Variants in ARHGAP32 observed in about 807,000 individuals in gnomAD.
The protein encoded by ARHGAP32 is rho GTPase-activating protein 32.
Under a neutral mutation model 186.5 loss-of-function variants are expected in ARHGAP32, and 51 were observed. The observed-to-expected ratio is 0.27, with a 90% CI of 0.22 to 0.35. The LOEUF is 0.35. Ranked by LOEUF, ARHGAP32 falls within the 10% of genes least tolerant of loss-of-function variation. ARHGAP32 has a pLI of 1.00. For missense variants in ARHGAP32, 2,186 were observed against 2,623.5 expected, an observed-to-expected ratio of 0.83 and a Z score of 3.64; for synonymous variants, 950 against 964.3, an observed-to-expected ratio of 0.99 and a Z score of 0.27.
intron 1 of ARHGAP32, among the ~76,000 whole-genome samples, chr11:129,237,966 A>G (rs1944958820): frequency 6.6e-6 from 1 of 152,140 alleles, no homozygotes; most frequent in Non-Finnish European, 1.5e-5. Context: ...AGAAGTAGTG[A>G]GAAGTGGCCC....
At chr11:129,016,536 TTCTA>T (rs1187812235) in intron 11 of ARHGAP32, among the ~76,000 whole-genome samples, 3 of 152,244 alleles carry the variant, frequency 2.0e-5, no homozygotes, top group Non-Finnish European at 2.9e-5. Context: ...GTAAGACTGA[TTCTA>T]TCTTACGTGA....
intron 11 of ARHGAP32, among the ~76,000 whole-genome samples, chr11:129,012,262 G>T (rs1164169438): frequency 6.6e-6 from 1 of 152,090 alleles, no homozygotes; most frequent in Non-Finnish European, 1.5e-5. Flanking sequence ...ACAAAACAAA[G>T]ATTTTCCATG....
chr11:129,248,095 G>A (rs1244437156), intron 1 of ARHGAP32, among the ~76,000 whole-genome samples: 3 of 151,452 alleles, frequency 2.0e-5, no homozygotes, highest in Non-Finnish European at 4.4e-5. Context: ...GGCAGATCAC[G>A]AGGTCAGGAG....
intron 22 of ARHGAP32, 134 bp downstream of exon 22, chr11:128,972,319 A>C: frequency 9.7e-7 from 1 of 1,027,900 alleles, no homozygotes; most frequent in Non-Finnish European, 1.4e-6. Context: ...AATGGGAACT[A>C]TCTCATGGAA....
chr11:129,193,717 T>TAATATATAA (rs1178628538), upstream of ARHGAP32, among the ~76,000 whole-genome samples: 36 of 43,762 alleles, frequency 8.2e-4, no homozygotes, highest in African/African-American at 2.1e-3. Flanking sequence ...ATATTATATA[T>TAATATATAA]TATATATTAT....
At chr11:129,130,455 AACG>A (rs374048830) in intron 2 of ARHGAP32, among the ~76,000 whole-genome samples, 20 of 152,196 alleles carry the variant, frequency 1.3e-4, no homozygotes, top group African/African-American at 4.8e-4. Context: ...TAATACATTC[AACG>A]ACATCAAAAT....
chr11:129,058,999 A>C (rs1354554501), intron 10 of ARHGAP32, among the ~76,000 whole-genome samples: 1 of 152,218 alleles, frequency 6.6e-6, no homozygotes, highest in Non-Finnish European at 1.5e-5. Flanking sequence ...AGTAACAGCA[A>C]TGTTCCCACC....
At chr11:129,055,697 C>T (rs1358148083) in intron 10 of ARHGAP32, among the ~76,000 whole-genome samples, 1 of 152,042 alleles carries the variant, frequency 6.6e-6, no homozygotes, top group Non-Finnish European at 1.5e-5. Context: ...ACATACTATA[C>T]GATTCCAACA....
In ARHGAP32 at chr11:129,109,262, T is replaced by C. The variant is rs565937981; in HGVS notation, c.444+14184A>G. On this transcript the variant is annotated intron_variant, in intron 5 of 22. Coordinates refer to ENST00000682385, the MANE Select transcript of ARHGAP32 (RefSeq NM_001378024.1). The stretch of plus-strand genomic sequence containing the variant: ...TCTTTTGTGGCCAAATAGTATTCGA[T>C]TGCATATATATATATATACCATACT... Among the ~76,000 whole-genome samples the C allele has an allele frequency of 3.8e-3, 578 of 151,708 alleles. 2 individuals are homozygous for C. The highest frequency in any genetic ancestry group is 0.013 in the African/African-American group (552 of 41,370).
intron 10 of ARHGAP32, among the ~76,000 whole-genome samples, chr11:129,060,444 A>G (rs1371666883): frequency 6.6e-6 from 1 of 152,194 alleles, no homozygotes; most frequent in Non-Finnish European, 1.5e-5. Flanking sequence ...ACCACAACAT[A>G]ACTATTATTT....
At chr11:129,160,978 C>T (rs1943517624) in intron 2 of ARHGAP32, among the ~76,000 whole-genome samples, 1 of 152,118 alleles carries the variant, frequency 6.6e-6, no homozygotes. Context: ...TGGTACAGAA[C>T]AGAAGCCTTA....
chr11:129,253,698 A>ACC (rs1945216908), intron 1 of ARHGAP32, among the ~76,000 whole-genome samples: 1 of 152,160 alleles, frequency 6.6e-6, no homozygotes, highest in Non-Finnish European at 1.5e-5. Flanking sequence ...ATGTTTATAA[A>ACC]CCTGAGGTAT....
At chr11:129,089,212 G>C (rs914313408) in intron 6 of ARHGAP32, among the ~76,000 whole-genome samples, 1 of 152,144 alleles carries the variant, frequency 6.6e-6, no homozygotes, top group African/African-American at 2.4e-5. Context: ...CTCACATGGT[G>C]CTAAGCACTG....
intron 1 of ARHGAP32, among the ~76,000 whole-genome samples, chr11:129,226,621 C>T (rs1232989866): frequency 1.3e-5 from 2 of 151,960 alleles, no homozygotes; most frequent in Non-Finnish European, 2.9e-5. Context: ...AAAAAACTAA[C>T]AGCAAAATGG....
intron 10 of ARHGAP32, among the ~76,000 whole-genome samples, chr11:129,058,219 A>ACT (rs1162100441): frequency 2.5e-5 from 2 of 80,700 alleles, no homozygotes; most frequent in African/African-American, 4.1e-5. Flanking sequence ...ACACACACAC[A>ACT]CACTCTCTCT....
intron 10 of ARHGAP32, 72 bp from the exon 11 acceptor site, chr11:129,041,081 T>C: frequency 1.0e-6 from 1 of 999,012 alleles, no homozygotes. Flanking sequence ...GCCAACTGAA[T>C]TCCAGTAATG....
chr11:129,197,305 G>C (rs773212049), upstream of ARHGAP32, among the ~76,000 whole-genome samples: 1 of 152,104 alleles, frequency 6.6e-6, no homozygotes, highest in Non-Finnish European at 1.5e-5. Context: ...GTATACATTT[G>C]GGTTCACTAT....
At chr11:129,139,007 A>G (rs1458358357) in intron 2 of ARHGAP32, among the ~76,000 whole-genome samples, 1 of 152,234 alleles carries the variant, frequency 6.6e-6, no homozygotes, top group Non-Finnish European at 1.5e-5. Flanking sequence ...GAAACAATGA[A>G]GTTTTAAAAA....
intron 1 of ARHGAP32, among the ~76,000 whole-genome samples, chr11:129,182,819 T>C (rs554266363): frequency 4.7e-4 from 72 of 152,076 alleles, no homozygotes; most frequent in Middle Eastern, 3.4e-3. Context: ...AAGTTTTTTA[T>C]TTTTCTTTTG....
Sources: allele counts gnomAD v4.1 joint callset (sites outside exome capture counted in the v4.1 genomes callset), GRCh38; gene constraint gnomAD v4.1.1; transcripts MANE v1.5; gene names NCBI Gene and HGNC (gene_info 2026-07-23, HGNC 2026-07-21).